TIGAR: variants seen among roughly 807,000 people sequenced by gnomAD.
TIGAR encodes the protein fructose-2,6-bisphosphatase TIGAR.
In TIGAR, 7 loss-of-function variants were observed where a neutral mutation model predicts 17.9. That is an observed-to-expected ratio of 0.39 (90% CI 0.22 to 0.73). The LOEUF is 0.73. Among genes scored for constraint, TIGAR ranks in the 30% least tolerant of loss-of-function variants. The probability of loss-of-function intolerance (pLI) is 0.42; values close to 1 mark genes in which losing one functional copy is unlikely to be tolerated. For synonymous variants in TIGAR, 94 were observed against 108.6 expected (o/e 0.87, Z 0.84); for missense variants, 258 against 327.4 (o/e 0.79, Z 1.64).
chr12:4,347,782 G>C (rs1468746624), intron 3 of TIGAR, among the ~76,000 whole-genome samples: 1 of 152,140 alleles, frequency 6.6e-6, no homozygotes, highest in Non-Finnish European at 1.5e-5. Context: ...CGGCTGAAGT[G>C]ATCATTATAG....
chr12:4,351,329 G>T lies in TIGAR; in HGVS notation c.333G>T (p.Arg111Ser), dbSNP rs537545261. The T allele has an allele frequency of 6.2e-7, 1 of 1,614,176 alleles. No homozygotes were observed. The highest frequency in any genetic ancestry group is 1.1e-5 in the South Asian group (1 of 91,084). ...SELRAMAKAA[R>S]EECPVFTPPG... ...TGAGGGCCATGGCCAAAGCAGCCAG[G>T]GAAGAGTGCCCTGTGTTTACACCGC... The change falls in exon 5 of 6, where the codon AGG (arginine) becomes AGT (serine). Residue 111 changes from arginine (R) to serine (S), a missense_variant. By Grantham distance (110) the Arg-to-Ser change is moderately radical. Transcript: ENST00000179259.
At chr12:4,324,383 G>T in intron 1 of TIGAR, 1 of 1,130,114 alleles carries the variant, frequency 8.8e-7, no homozygotes, top group Non-Finnish European at 1.4e-6. Context: ...TACTTGAGGG[G>T]GATGAAGCGG....
Position 4,321,434 on chromosome 12 carries a change from C to A in TIGAR, c.32+131C>A. 2 of 1,371,584 alleles carry A rather than the reference C, an allele frequency of 1.5e-6. No individual in the cohort carries two copies. Among genetic ancestry groups the A allele is most frequent in the Non-Finnish European group, 2.0e-6 (2 of 1,005,654 alleles). The allele number at this position is 1,371,584 out of a possible 1,614,324, so 85.0% of individuals were successfully genotyped here. ...CAGCCCGGGAGGGCTGGCTTGGAAG[C>A]GCTTTTTCCGGGGCGCTTGCCCTGG... On this transcript the variant is annotated intron_variant, in intron 1 of 5. Coordinates refer to ENST00000179259, the MANE Select transcript of TIGAR (RefSeq NM_020375.3). This position sits in a 1 kb window ranked among gnomAD's most constrained non-coding sequence, Gnocchi z 5.2.
chr12:4,337,808 A>T (rs888013633), intron 3 of TIGAR, among the ~76,000 whole-genome samples: 3 of 152,186 alleles, frequency 2.0e-5, no homozygotes, highest in Non-Finnish European at 4.4e-5. Flanking sequence ...GACTTGTTAG[A>T]AATATCTTCA....
At chr12:4,331,346 T>A in intron 2 of TIGAR, 29 bp downstream of exon 2, 4 of 1,600,614 alleles carry the variant, frequency 2.5e-6, no homozygotes, top group Non-Finnish European at 3.4e-6. Flanking sequence ...TTATTTTAGC[T>A]CTCACCCTTG....
intron 2 of TIGAR, among the ~76,000 whole-genome samples, chr12:4,333,109 T>C (rs1251583692): frequency 6.6e-6 from 1 of 152,298 alleles, no homozygotes; most frequent in South Asian, 2.1e-4. Context: ...AGTGAGACTT[T>C]TGTCATAAAG....
rs1864938166 is a variant in TIGAR, at chr12:4,358,540, G to A, written c.*5849G>A. 6.6e-6 allele frequency among the ~76,000 whole-genome samples: 1 copy of A among 152,144 alleles called. No homozygotes were observed. ...CTGTTTTCCCCTGAAACATTGGAGA[G>A]TAACTTTGAGTCCTCATACTCTTCC... On this transcript the variant is annotated 3_prime_UTR_variant, in exon 6 of 6. Transcript: ENST00000179259.
chr12:4,338,975 CACAAAAAAAAAAA>C (rs1173174797), intron 3 of TIGAR, among the ~76,000 whole-genome samples: 1 of 38,190 alleles, frequency 2.6e-5, no homozygotes, highest in African/African-American at 9.7e-5. Context: ...AACTTTGTCT[CACAAAAAAAAAAA>C]AAAAAAAAAA....
At chr12:4,346,523 C>T (rs573485718) in intron 3 of TIGAR, among the ~76,000 whole-genome samples, 49 of 151,832 alleles carry the variant, frequency 3.2e-4, no homozygotes, top group Non-Finnish European at 5.7e-4. Context: ...CCAAACACCG[C>T]GTTTTCTCAC....
chr12:4,359,199 C>T lies in TIGAR; in HGVS notation c.*6508C>T, dbSNP rs1304038801. The stretch of plus-strand genomic sequence containing the variant: ...TCTGTACTAAGACAGCTTTACCCTT[C>T]TTGCCTACTTATTTATGTCAGTATG... On this transcript the variant is annotated 3_prime_UTR_variant, in exon 6 of 6. Coordinates refer to ENST00000179259, the MANE Select transcript of TIGAR (RefSeq NM_020375.3). Among the ~76,000 whole-genome samples the T allele has an allele frequency of 6.6e-6, 1 of 151,656 alleles. No homozygotes were observed. The highest frequency in any genetic ancestry group is 1.5e-5 in the Non-Finnish European group (1 of 67,952).
chr12:4,332,486 T>C lies in TIGAR; in HGVS notation c.70+1169T>C, dbSNP rs538388149. On this transcript the variant is annotated intron_variant, in intron 2 of 5. Transcript: ENST00000179259. ...CTTGAACTCCTGACCTCAGTTGATA[T>C]GCCTGCCTTAGCATCCCAAAGTGCT... Among the ~76,000 whole-genome samples the C allele has an allele frequency of 4.2e-4, 64 of 152,264 alleles. No individual in the cohort carries two copies. The South Asian group carries it at 6.2e-3, about 15-fold the overall frequency.
intron 1 of TIGAR, among the ~76,000 whole-genome samples, chr12:4,322,154 G>A (rs1184110962): frequency 6.6e-6 from 1 of 152,072 alleles, no homozygotes; most frequent in African/African-American, 2.4e-5. Context: ...GCGCCACCAC[G>A]CCCGGCTAAT....
In TIGAR at chr12:4,359,107, G is replaced by GCT. The variant is rs1864946496; in HGVS notation, c.*6416_*6417insCT. Among the ~76,000 whole-genome samples the GCT allele has an allele frequency of 1.3e-5, 2 of 148,700 alleles. No homozygotes were observed. On this transcript the variant is annotated 3_prime_UTR_variant, in exon 6 of 6. Transcript: ENST00000179259. The stretch of plus-strand genomic sequence containing the variant: ...CCTTTATTGTTTATTTTCTGACTCT[G>GCT]TTTTTTTTTTCTTTAGCCAACTCAC...
chr12:4,329,078 GCTTT>G (rs1864576898), intron 1 of TIGAR, among the ~76,000 whole-genome samples: 1 of 151,928 alleles, frequency 6.6e-6, no homozygotes, highest in Non-Finnish European at 1.5e-5. Context: ...TAAAAGGGTA[GCTTT>G]CTTTTTATAT....
chr12:4,333,859 C>G (rs1442779506), intron 2 of TIGAR, among the ~76,000 whole-genome samples: 2 of 152,208 alleles, frequency 1.3e-5, no homozygotes, highest in African/African-American at 4.8e-5. Context: ...CTTGGCCTCC[C>G]AAAGTGTTGG....
At chr12:4,324,821 T>G (rs1864525023) in intron 1 of TIGAR, 3 of 568,284 alleles carry the variant, frequency 5.3e-6, no homozygotes, top group Non-Finnish European at 9.5e-6. Flanking sequence ...TCTTGTCGGA[T>G]CCTCAGAAAA....
chr12:4,324,401 G>T, intron 1 of TIGAR: 2 of 1,262,592 alleles, frequency 1.6e-6, no homozygotes, highest in Non-Finnish European at 2.3e-6. Flanking sequence ...CGGGAGGAGT[G>T]GGTGGCCCCG....
Position 4,321,366 on chromosome 12 carries a change from A to G in TIGAR, c.32+63A>G. 1.3e-6 allele frequency: 2 copies of G among 1,592,314 alleles called. No homozygotes were observed. Among genetic ancestry groups the G allele is most frequent in the Non-Finnish European group, 1.7e-6 (2 of 1,174,692 alleles). ...TTCCTTGAGTGTGTTGGAGCGGGTG[A>G]AGGGAAAACGGGTCCACCACCCTCT... On this transcript the variant is annotated intron_variant, in intron 1 of 5. Coordinates refer to ENST00000179259, the MANE Select transcript of TIGAR (RefSeq NM_020375.3). This position sits in a 1 kb window ranked among gnomAD's most constrained non-coding sequence, Gnocchi z 5.2.
At chr12:4,344,774 G>C (rs960021111) in intron 3 of TIGAR, among the ~76,000 whole-genome samples, 22 of 152,240 alleles carry the variant, frequency 1.4e-4, no homozygotes, top group African/African-American at 5.3e-4. Context: ...AGGGCAATCA[G>C]GCAGGAGAAA....
Sources: allele counts gnomAD v4.1 joint callset (sites outside exome capture counted in the v4.1 genomes callset), GRCh38; gene constraint gnomAD v4.1.1; non-coding constraint Gnocchi (gnomAD v3.1); transcripts MANE v1.5; gene names NCBI Gene and HGNC (gene_info 2026-07-23, HGNC 2026-07-21).